CLEC4D: variants seen among roughly 807,000 people sequenced by gnomAD.
CLEC4D encodes C-type (calcium dependent, carbohydrate-recognition domain) lectin, superfamily member 8.
Under a neutral mutation model 21.1 loss-of-function variants are expected in CLEC4D, and 21 were observed. The observed-to-expected ratio is 1.00, with a 90% CI of 0.71 to 1.43. CLEC4D has a LOEUF of 1.43. Among genes scored for constraint, CLEC4D ranks in the 40% most tolerant of loss-of-function variants. CLEC4D has a pLI of 0.00. For missense variants in CLEC4D, 289 were observed against 260.7 expected (o/e 1.11, Z -0.75); for synonymous variants, 85 against 83.1 (o/e 1.02, Z -0.12).
At chr12:8,527,540 C>G in the CLEC4D span, among the ~76,000 whole-genome samples, 1 of 152,238 alleles carries the variant, frequency 6.6e-6, no homozygotes, top group Admixed American at 6.5e-5. Context: ...TCCAGCCTCC[C>G]TGGCTCCGCA....
At chr12:8,527,223 G>A (rs890529764), downstream of CLEC4D, among the ~76,000 whole-genome samples, 2 of 152,180 alleles carry the variant, frequency 1.3e-5, no homozygotes, top group Non-Finnish European at 2.9e-5. Context: ...GTCCCTTGGT[G>A]GAGAGGGTGT....
At chr12:8,530,299 C>CA in the CLEC4D span, among the ~76,000 whole-genome samples, 1 of 152,056 alleles carries the variant, frequency 6.6e-6, no homozygotes, top group African/African-American at 2.4e-5. Flanking sequence ...AATATGTTGG[C>CA]ATTCCTAGCC....
At chr12:8,527,668 C>T in the CLEC4D span, among the ~76,000 whole-genome samples, 9 of 152,338 alleles carry the variant, frequency 5.9e-5, no homozygotes, top group African/African-American at 2.2e-4. Flanking sequence ...CCTCAAAGAG[C>T]GCAAACGGCT....
At chr12:8,529,729 A>C in the CLEC4D span, among the ~76,000 whole-genome samples, 1 of 152,260 alleles carries the variant, frequency 6.6e-6, no homozygotes, top group African/African-American at 2.4e-5. Flanking sequence ...TATTCATACC[A>C]GTGCAAATGT....
At chr12:8,525,570 C>A (rs765769792), downstream of CLEC4D, among the ~76,000 whole-genome samples, 3 of 152,182 alleles carry the variant, frequency 2.0e-5, no homozygotes, top group South Asian at 6.2e-4. Flanking sequence ...TTATTTTGAG[C>A]CTTTGTGTGT....
chr12:8,520,822 C>A (rs1489165006), intron 5 of CLEC4D, among the ~76,000 whole-genome samples: 1 of 152,148 alleles, frequency 6.6e-6, no homozygotes, highest in East Asian at 1.9e-4. Context: ...ATATCCAAAT[C>A]TTATCATTTC....
chr12:8,518,192 G>C lies in CLEC4D; in HGVS notation c.150G>C (p.Lys50Asn), dbSNP rs756477421. 4.3e-6 allele frequency: 6 copies of C among 1,384,870 alleles called. No individual in the cohort carries two copies. Among genetic ancestry groups the C allele is most frequent in the Non-Finnish European group, 6.2e-6 (6 of 971,328 alleles). The allele number at this position is 1,384,870 out of a possible 1,614,324, so 85.8% of individuals were successfully genotyped here. A position where few individuals can be genotyped will look rare whatever the true frequency, so the allele number is the denominator to read the frequency against. ...CTCATCACAACTTTTCACGCTGTAA[G>C]AGAGGCACAGGAGTGCACAAGTTAG... Reference protein sequence around the residue: ...LVTHHNFSRCKRGTGVHKLEH... With the variant: ...LVTHHNFSRCNRGTGVHKLEH... Residue 50 changes from lysine (K) to asparagine (N), a missense_variant, in exon 3 of 6, where the codon AAG (lysine) becomes AAC (asparagine). Physicochemically the swap from Lys to Asn is moderately conservative, Grantham distance 94 (BLOSUM62 0). Coordinates refer to ENST00000299665, the MANE Select transcript of CLEC4D (RefSeq NM_080387.5).
At chr12:8,519,224 T>A (rs995377640) in intron 4 of CLEC4D, 64 bp downstream of exon 4, 4 of 1,572,934 alleles carry the variant, frequency 2.5e-6, no homozygotes, top group Non-Finnish European at 3.4e-6. Context: ...AAAAGAGGAA[T>A]TTCTCTGTCC....
chr12:8,525,145 C>G (rs957623637), downstream of CLEC4D, among the ~76,000 whole-genome samples: 2 of 152,060 alleles, frequency 1.3e-5, no homozygotes, highest in African/African-American at 4.8e-5. Flanking sequence ...AGAATAAGTG[C>G]CATGTGACAC....
chr12:8,515,442 A>G (rs753199877), intron 2 of CLEC4D, 114 bp downstream of exon 2: 15 of 659,358 alleles, frequency 2.3e-5, no homozygotes, highest in South Asian at 8.6e-5. Flanking sequence ...CCTATCTATA[A>G]TATCTTCAGG....
chr12:8,521,568 T>C lies in CLEC4D; in HGVS notation c.*297T>C, dbSNP rs1940460331. The C allele has an allele frequency of 7.9e-6, 2 of 253,342 alleles. No homozygotes were observed. Among genetic ancestry groups the C allele is most frequent in the South Asian group, 1.2e-4 (1 of 8,078 alleles). The allele number at this position is 253,342 out of a possible 1,614,324, so 15.7% of individuals were successfully genotyped here. Reference sequence around the variant, plus strand: ...TCAATTGGTGTGCACTGAATGCATGTATGGAAGAATAGCGTGAATAATGCA... The same window carrying C: ...TCAATTGGTGTGCACTGAATGCATGCATGGAAGAATAGCGTGAATAATGCA... On this transcript the variant is annotated 3_prime_UTR_variant, in exon 6 of 6. Transcript: ENST00000299665.
At chr12:8,520,978 T>C (rs772507319) in intron 5 of CLEC4D, 146 bp from the exon 6 acceptor site, 19 of 1,012,500 alleles carry the variant, frequency 1.9e-5, no homozygotes, top group Non-Finnish European at 2.5e-5. Flanking sequence ...ATGTGTCTAG[T>C]GAGTATAGTA....
the CLEC4D span, among the ~76,000 whole-genome samples, chr12:8,528,563 A>G: frequency 6.6e-6 from 1 of 152,224 alleles, no homozygotes; most frequent in African/African-American, 2.4e-5. Context: ...TCTTCAAGAC[A>G]AAGACAGTAA....
intron 2 of CLEC4D, among the ~76,000 whole-genome samples, chr12:8,517,780 A>G (rs1940400359): frequency 6.6e-6 from 1 of 151,944 alleles, no homozygotes; most frequent in Admixed American, 6.6e-5. Flanking sequence ...CCCCGTCTCT[A>G]CTAAAAACAG....
intron 2 of CLEC4D, among the ~76,000 whole-genome samples, chr12:8,516,525 G>C (rs911241498): frequency 6.6e-6 from 1 of 152,178 alleles, no homozygotes; most frequent in Non-Finnish European, 1.5e-5. Flanking sequence ...AATTATCAGG[G>C]AAATGCAAAT....
At position 8,516,617 on chromosome 12, in the gene CLEC4D, C is replaced by T. The variant is rs191437168; in HGVS notation, c.121+1289C>T. 2.0e-5 allele frequency among the ~76,000 whole-genome samples: 3 copies of T among 152,276 alleles called. No individual in the cohort carries two copies. The East Asian group carries it at 5.8e-4, about 29-fold the overall frequency. On this transcript the variant is annotated intron_variant, in intron 2 of 5. Transcript: ENST00000299665. ...TGGCACTACTAAATATTGATGATGC[C>T]ATGGAGCAAATGGACCTCTAGTGAA...
chr12:8,529,108 T>C, the CLEC4D span, among the ~76,000 whole-genome samples: 402 of 152,324 alleles, frequency 2.6e-3, 3 homozygotes, highest in African/African-American at 9.3e-3. Context: ...AAATATTTTC[T>C]TTTTTAATAA....
chr12:8,521,000 C>T, intron 5 of CLEC4D, 124 bp from the exon 6 acceptor site: 1 of 1,300,762 alleles, frequency 7.7e-7, no homozygotes, highest in South Asian at 1.7e-5. Flanking sequence ...TAGTGCAGTT[C>T]TAAACTGTTC....
intron 1 of CLEC4D, 77 bp from the exon 2 acceptor site, chr12:8,515,159 G>C (rs1940361778): frequency 1.9e-5 from 15 of 802,606 alleles, no homozygotes; most frequent in Non-Finnish European, 1.5e-5. Context: ...GTCACTTTTA[G>C]ATTGCTCCTT....
Sources: allele counts gnomAD v4.1 joint callset (sites outside exome capture counted in the v4.1 genomes callset), GRCh38; gene constraint gnomAD v4.1.1; transcripts MANE v1.5; gene names NCBI Gene and HGNC (gene_info 2026-07-23, HGNC 2026-07-21).